Variants in DIS3L2 observed in about 807,000 individuals in gnomAD.
DIS3L2 encodes DIS3 like 3'-5' exoribonuclease 2, also known as DIS3-like exonuclease 2.
In DIS3L2, 34 loss-of-function variants were observed where a neutral mutation model predicts 97.5. That is an observed-to-expected ratio of 0.35 (90% CI 0.27 to 0.46). The LOEUF is 0.46. DIS3L2 is among the 20% of genes least tolerant of loss of function. DIS3L2 has a pLI of 1.00. For synonymous variants in DIS3L2, 435 were observed against 445.2 expected (o/e 0.98, Z 0.29); for missense variants, 1,038 against 1,146.0 (o/e 0.91, Z 1.36).
intron 14 of DIS3L2, among the ~76,000 whole-genome samples, chr2:232,320,667 G>A (rs2106339125): frequency 6.6e-6 from 1 of 152,328 alleles, no homozygotes; most frequent in East Asian, 1.9e-4. Context: ...TTACTAGGGG[G>A]CTGTGCTTCC....
intron 6 of DIS3L2, among the ~76,000 whole-genome samples, chr2:232,124,246 A>G (rs1265727060): frequency 6.6e-6 from 1 of 152,216 alleles, no homozygotes; most frequent in Non-Finnish European, 1.5e-5. Flanking sequence ...ATCATCAGAT[A>G]CTAGAATCAC....
At chr2:232,277,357 TGG>T (rs1177026557) in intron 13 of DIS3L2, among the ~76,000 whole-genome samples, 1 of 152,228 alleles carries the variant, frequency 6.6e-6, no homozygotes, top group Non-Finnish European at 1.5e-5. Flanking sequence ...TTGGTGCAGC[TGG>T]AATGTTTCCA....
chr2:231,968,588 C>T (rs1378257200), intron 1 of DIS3L2, among the ~76,000 whole-genome samples: 1 of 152,160 alleles, frequency 6.6e-6, no homozygotes, highest in Non-Finnish European at 1.5e-5. Context: ...GGATGTACCT[C>T]AGTTTATTAA....
intron 1 of DIS3L2, among the ~76,000 whole-genome samples, chr2:232,007,527 G>A (rs1159604612): frequency 6.6e-6 from 1 of 152,154 alleles, no homozygotes; most frequent in African/African-American, 2.4e-5. Context: ...TGTAGAGACA[G>A]GGTCTTGCTA....
At chr2:232,214,918 G>A (rs1692292290) in intron 10 of DIS3L2, among the ~76,000 whole-genome samples, 1 of 152,204 alleles carries the variant, frequency 6.6e-6, no homozygotes, top group Admixed American at 6.5e-5. Flanking sequence ...CATGTACTCT[G>A]CTGTTGAACT....
chr2:232,290,941 G>A (rs1043921294), intron 13 of DIS3L2, among the ~76,000 whole-genome samples: 1 of 152,186 alleles, frequency 6.6e-6, no homozygotes, highest in Non-Finnish European at 1.5e-5. Flanking sequence ...CCATGATTAC[G>A]TTACTGGAGA....
chr2:232,063,762 A>G (rs1250130050), intron 5 of DIS3L2, among the ~76,000 whole-genome samples: 1 of 151,956 alleles, frequency 6.6e-6, no homozygotes, highest in African/African-American at 2.4e-5. Context: ...GGGTGTACTT[A>G]TTTCTAGGTG....
In DIS3L2 at chr2:232,087,546, C is replaced by G. The variant is rs73001172; in HGVS notation, c.426C>G (p.Pro142=). The G allele has an allele frequency of 6.2e-7, 1 of 1,613,894 alleles. No homozygotes were observed. The highest frequency in any genetic ancestry group is 2.2e-5 in the East Asian group (1 of 44,878). ...AAGCTGCGTATGAATCAGATATCCC[C>G]GAGGAGCTCTGTGGACACCATCTCC... ...ETEAAYESDI[P]EELCGHHLPQ... The change falls in exon 6 of 21, where the codon CCC becomes CCG. Residue 142 remains proline, a synonymous_variant. Transcript: ENST00000325385.
rs181342485 is a variant in DIS3L2, at chr2:232,161,447, C to T, written c.951-2012C>T. Among the ~76,000 whole-genome samples, 3 of 152,188 alleles carry T rather than the reference C, an allele frequency of 2.0e-5. No homozygotes were observed. The East Asian group carries it at 5.8e-4, about 29-fold the overall frequency. ...TTATGTTTTCATTCAATTCAAAATT[C>T]CCTTCCTCCCTCTCTCCATTACTTC... On this transcript the variant is annotated intron_variant, in intron 8 of 20. Coordinates refer to ENST00000325385, the MANE Select transcript of DIS3L2 (RefSeq NM_152383.5).
chr2:232,030,205 G>A lies in DIS3L2; in HGVS notation c.366+125G>A, dbSNP rs1002893764. ...CTTAGGCGCTGTGATAAGATGGGGT[G>A]TAATCTTGGAAGCATGCTACCGAAT... On this transcript the variant is annotated intron_variant, in intron 5 of 20. Coordinates refer to ENST00000325385, the MANE Select transcript of DIS3L2 (RefSeq NM_152383.5). 4 of 755,464 alleles carry A rather than the reference G, an allele frequency of 5.3e-6. No individual in the cohort carries two copies. In the African/African-American group the frequency reaches 5.5e-5, roughly 10 times the overall value. 46.8% of individuals were successfully genotyped at this position (755,464 alleles called of 1,614,324 possible). A position where few individuals can be genotyped will look rare whatever the true frequency, so the allele number is the denominator to read the frequency against.
intron 5 of DIS3L2, among the ~76,000 whole-genome samples, chr2:232,030,431 A>G (rs1172232035): frequency 6.6e-6 from 1 of 152,216 alleles, no homozygotes; most frequent in Non-Finnish European, 1.5e-5. Context: ...AGACAAAGCC[A>G]TGGAGACAGT....
At chr2:232,125,781 G>T (rs1317624418) in intron 6 of DIS3L2, among the ~76,000 whole-genome samples, 1 of 152,142 alleles carries the variant, frequency 6.6e-6, no homozygotes, top group African/African-American at 2.4e-5. Flanking sequence ...ATAAGCACTC[G>T]TTAGCCCAGC....
At chr2:232,155,988 TAA>T (rs58242528) in intron 8 of DIS3L2, among the ~76,000 whole-genome samples, 9 of 137,192 alleles carry the variant, frequency 6.6e-5, no homozygotes, top group Admixed American at 1.5e-4. Flanking sequence ...AGACTCCATC[TAA>T]AAAAAAAAAA....
At chr2:231,991,747 CCCT>C (rs1295753032) in intron 1 of DIS3L2, among the ~76,000 whole-genome samples, 3 of 152,090 alleles carry the variant, frequency 2.0e-5, no homozygotes, top group Non-Finnish European at 2.9e-5. Flanking sequence ...TAGGTGTGTA[CCCT>C]GTGGGCATGG....
At chr2:232,105,032 G>T (rs768726289) in intron 6 of DIS3L2, among the ~76,000 whole-genome samples, 10 of 152,102 alleles carry the variant, frequency 6.6e-5, no homozygotes, top group Non-Finnish European at 1.2e-4. Context: ...TGCCCAGGTT[G>T]GTCTCAAACT....
At chr2:232,272,314 T>C (rs1162824133) in intron 13 of DIS3L2, among the ~76,000 whole-genome samples, 1 of 152,214 alleles carries the variant, frequency 6.6e-6, no homozygotes, top group Non-Finnish European at 1.5e-5. Flanking sequence ...AAGACAAACT[T>C]TCTACCCTCA....
chr2:232,333,666 C>G (rs1316080739), intron 16 of DIS3L2, among the ~76,000 whole-genome samples, 174 bp from the exon 17 acceptor site: 4 of 152,190 alleles, frequency 2.6e-5, no homozygotes, highest in African/African-American at 9.7e-5. Flanking sequence ...CCCTGGGGCC[C>G]CTTGTGCAGC....
Position 232,286,256 on chromosome 2 carries a change from G to A in DIS3L2, c.1660-13784G>A, listed in dbSNP as rs374827930. On this transcript the variant is annotated intron_variant, in intron 13 of 20. Transcript: ENST00000325385. ...GGTGCTCTGGAGCTAGCGTCACTGG[G>A]TCATAAAATCAGGGCTGCCTTGATT... Among the ~76,000 whole-genome samples the A allele has an allele frequency of 9.8e-5, 15 of 152,292 alleles. 2 individuals are homozygous for A. Among genetic ancestry groups the A allele is most frequent in the African/African-American group, 3.6e-4 (15 of 41,546 alleles).
chr2:232,055,800 A>G (rs922630223), intron 5 of DIS3L2, among the ~76,000 whole-genome samples: 11 of 152,212 alleles, frequency 7.2e-5, no homozygotes, highest in Admixed American at 6.5e-4. Context: ...TGGGATAGAA[A>G]GTCCAGAAAT....
Sources: allele counts gnomAD v4.1 joint callset (sites outside exome capture counted in the v4.1 genomes callset), GRCh38; gene constraint gnomAD v4.1.1; transcripts MANE v1.5; gene names NCBI Gene and HGNC (gene_info 2026-07-23, HGNC 2026-07-21).